MARK1: variants seen among roughly 807,000 people sequenced by gnomAD.
The protein encoded by MARK1 is serine/threonine-protein kinase MARK1.
A neutral mutation model predicts 96.3 loss-of-function variants in MARK1; 40 were observed. The ratio of observed to expected loss-of-function variants is 0.42; its 90% CI spans 0.32 to 0.54. The LOEUF (loss-of-function observed/expected upper bound fraction) is 0.54, where lower values mean the gene tolerates loss of function less well. MARK1 is among the 20% of genes least tolerant of loss of function. MARK1 has a pLI of 0.16. For missense variants in MARK1, 719 were observed against 984.6 expected, an observed-to-expected ratio of 0.73 and a Z score of 3.61; for synonymous variants, 317 against 341.2, an observed-to-expected ratio of 0.93 and a Z score of 0.78.
chr1:220,633,131 T>C (rs1667757641), intron 11 of MARK1, among the ~76,000 whole-genome samples: 1 of 152,154 alleles, frequency 6.6e-6, no homozygotes, highest in South Asian at 2.1e-4. Flanking sequence ...GGAGAACTTG[T>C]TACCACGAGG....
At position 220,546,937 on chromosome 1, in the gene MARK1, A is replaced by C. The variant is rs900874776; in HGVS notation, c.51+18064A>C. Among the ~76,000 whole-genome samples, 24 of 150,702 alleles carry C rather than the reference A, an allele frequency of 1.6e-4. No individual in the cohort carries two copies. The South Asian group carries it at 5.0e-3, about 32-fold the overall frequency. Reference sequence around the variant, plus strand: ...CAGTGAGCCAAGATCGCACCAGTGCACTCCAGCCTGGGCAACAGAGTGAGA... The same window carrying C: ...CAGTGAGCCAAGATCGCACCAGTGCCCTCCAGCCTGGGCAACAGAGTGAGA... On this transcript the variant is annotated intron_variant, in intron 1 of 17. Transcript: ENST00000366917.
rs550082178 is a variant in MARK1, at chr1:220,625,776, T to A, written c.910-5259T>A. 16 of 453,054 alleles carry A rather than the reference T, an allele frequency of 3.5e-5. No homozygotes were observed. The East Asian group carries it at 4.1e-4, about 11-fold the overall frequency. The allele number at this position is 453,054 out of a possible 1,614,324, so 28.1% of individuals were successfully genotyped here. A position where few individuals can be genotyped will look rare whatever the true frequency, so the allele number is the denominator to read the frequency against. On this transcript the variant is annotated intron_variant, in intron 9 of 17. Coordinates refer to ENST00000366917, the MANE Select transcript of MARK1 (RefSeq NM_018650.5). ...ACAGGGCACCAGGAGGAAAGTCTGT[T>A]ACTACTACGACGGGGATGTTGGAAA...
intron 17 of MARK1, among the ~76,000 whole-genome samples, chr1:220,660,094 T>C (rs1669393223): frequency 6.6e-6 from 1 of 152,180 alleles, no homozygotes; most frequent in South Asian, 2.1e-4. Context: ...ATTTTAAGTT[T>C]TCCAGCCATC....
At chr1:220,576,722 C>T (rs1663876583) in intron 1 of MARK1, 1 of 152,062 alleles carries the variant, frequency 6.6e-6, no homozygotes, top group Non-Finnish European at 1.5e-5. Context: ...ATCCTAAATC[C>T]CTTCAATTTA....
At chr1:220,542,938 T>C (rs753382356) in intron 1 of MARK1, among the ~76,000 whole-genome samples, 8 of 152,228 alleles carry the variant, frequency 5.3e-5, no homozygotes, top group African/African-American at 1.2e-4. Context: ...TCCATACTTA[T>C]GTTCCTAAAC....
At chr1:220,608,816 C>T (rs1428143783) in intron 6 of MARK1, among the ~76,000 whole-genome samples, 5 of 152,166 alleles carry the variant, frequency 3.3e-5, no homozygotes, top group African/African-American at 1.2e-4. Flanking sequence ...GTTATTCACC[C>T]AATAGTCATT....
intron 3 of MARK1, among the ~76,000 whole-genome samples, chr1:220,588,732 T>G (rs996776873): frequency 2.6e-5 from 4 of 152,174 alleles, no homozygotes; most frequent in African/African-American, 9.7e-5. Context: ...AGATAAAATA[T>G]ATATATACAT....
chr1:220,566,246 G>C (rs949195349), intron 1 of MARK1, among the ~76,000 whole-genome samples: 3 of 152,172 alleles, frequency 2.0e-5, no homozygotes, highest in Non-Finnish European at 2.9e-5. Context: ...ATTACAAGTA[G>C]TTGCCAATGT....
rs117632179 is a variant in MARK1 at position 220,594,718 on chromosome 1, G to A, written c.310-3613G>A. 2.6e-5 allele frequency among the ~76,000 whole-genome samples: 4 copies of A among 152,208 alleles called. No homozygotes were observed. The East Asian group carries it at 7.7e-4, about 29-fold the overall frequency. On this transcript the variant is annotated intron_variant, in intron 3 of 17. Transcript: ENST00000366917. ...AAAGGGAAATGAGCTATCAAGCTAC[G>A]AAAAAACTTGGAGGAACCTTAAATG...
chr1:220,550,854 A>T (rs901149541), intron 1 of MARK1, among the ~76,000 whole-genome samples: 1 of 152,336 alleles, frequency 6.6e-6, no homozygotes, highest in East Asian at 1.9e-4. Flanking sequence ...ATTGGAGTTC[A>T]GTCAGGGAAG....
chr1:220,619,213 G>A (rs1307676064), intron 9 of MARK1, among the ~76,000 whole-genome samples: 5 of 152,190 alleles, frequency 3.3e-5, no homozygotes, highest in African/African-American at 7.2e-5. Context: ...GGTGGCTCAC[G>A]CCTGTAATCC....
At chr1:220,624,460 A>G (rs146120793) in intron 9 of MARK1, among the ~76,000 whole-genome samples, 345 of 151,176 alleles carry the variant, frequency 2.3e-3, no homozygotes, top group East Asian at 7.1e-3. Flanking sequence ...TCAGCCAGGC[A>G]TGGTGCCCAT....
At chr1:220,569,029 A>G (rs1663252515) in intron 1 of MARK1, among the ~76,000 whole-genome samples, 1 of 152,192 alleles carries the variant, frequency 6.6e-6, no homozygotes, top group Non-Finnish European at 1.5e-5. Context: ...CCAATGATAT[A>G]TAAGTATGCC....
chr1:220,584,187 G>GT (rs1426966389), intron 3 of MARK1, among the ~76,000 whole-genome samples: 3 of 152,000 alleles, frequency 2.0e-5, no homozygotes, highest in African/African-American at 7.2e-5. Context: ...TAACATTTTT[G>GT]TATCTTCTGT....
At chr1:220,642,509 G>A (rs1668336850) in intron 13 of MARK1, among the ~76,000 whole-genome samples, 1 of 152,210 alleles carries the variant, frequency 6.6e-6, no homozygotes, top group Non-Finnish European at 1.5e-5. Flanking sequence ...GCACCTGGGG[G>A]GAGGGGCAGC....
intron 1 of MARK1, among the ~76,000 whole-genome samples, chr1:220,569,005 A>C (rs899091450): frequency 5.3e-5 from 8 of 152,172 alleles, no homozygotes; most frequent in African/African-American, 1.9e-4. Context: ...AATTTGTGTC[A>C]ATTTTCACTG....
At chr1:220,633,191 C>T (rs1354412883) in intron 11 of MARK1, among the ~76,000 whole-genome samples, 2 of 152,172 alleles carry the variant, frequency 1.3e-5, no homozygotes, top group African/African-American at 4.8e-5. Context: ...TCAAATACCT[C>T]CCTCTAGGCC....
chr1:220,631,229 G>A (rs1667665747), intron 10 of MARK1, 95 bp downstream of exon 10: 2 of 635,804 alleles, frequency 3.1e-6, no homozygotes, highest in Admixed American at 3.2e-5. Context: ...TAAATAGGAA[G>A]CAATTTTTAT....
rs112968910 is a variant in MARK1, at chr1:220,586,011, A to ACACGCG, written c.309+4894_309+4895insACGCGC. On this transcript the variant is annotated intron_variant, in intron 3 of 17. Coordinates refer to ENST00000366917, the MANE Select transcript of MARK1 (RefSeq NM_018650.5). ...CACACACACACACACACACACACAC[A>ACACGCG]CGCGCGCGTGCGCAGAGAGAGAGAG... 6.1e-3 allele frequency among the ~76,000 whole-genome samples: 908 copies of ACACGCG among 148,622 alleles called. 35 individuals are homozygous for ACACGCG. The highest frequency in any genetic ancestry group is 0.053 in the Admixed American group (804 of 15,082).
Sources: allele counts gnomAD v4.1 joint callset (sites outside exome capture counted in the v4.1 genomes callset), GRCh38; gene constraint gnomAD v4.1.1; transcripts MANE v1.5; gene names NCBI Gene and HGNC (gene_info 2026-07-23, HGNC 2026-07-21).